PRXL2C: variants seen among roughly 807,000 people sequenced by gnomAD.
The protein encoded by PRXL2C is peroxiredoxin-like 2C.
A neutral mutation model predicts 24.9 loss-of-function variants in PRXL2C; 38 were observed. That is an observed-to-expected ratio of 1.53 (90% confidence interval 1.18 to 2.00). PRXL2C has a LOEUF of 2.00. Among genes scored for constraint, PRXL2C ranks in the 30% most tolerant of loss-of-function variants. The probability of loss-of-function intolerance (pLI) is 0.00; values close to 1 mark genes in which losing one functional copy is unlikely to be tolerated. For missense variants in PRXL2C, 294 were observed against 290.9 expected, an observed-to-expected ratio of 1.01 and a Z score of -0.08; for synonymous variants, 98 against 117.2, an observed-to-expected ratio of 0.84 and a Z score of 1.06.
intron 5 of PRXL2C, among the ~76,000 whole-genome samples, chr9:96,642,338 T>C (rs866185176): frequency 6.6e-6 from 1 of 152,132 alleles, no homozygotes; most frequent in Non-Finnish European, 1.5e-5. Context: ...ATCTGTATTA[T>C]AACCATAGCC....
Position 96,648,261 on chromosome 9 carries a change from T to A in PRXL2C, c.422-2237A>T, listed in dbSNP as rs375430011. 3.3e-5 allele frequency among the ~76,000 whole-genome samples: 5 copies of A among 152,180 alleles called. No homozygotes were observed. In the East Asian group the frequency reaches 7.7e-4, roughly 23 times the overall value. On this transcript the variant is annotated intron_variant, in intron 4 of 5. Transcript: ENST00000375234. ...ATTAATATTTCAGAAATTTTAGAAA[T>A]TCAACTTGAGATTCCATAGCCTAGA... is the stretch of plus-strand genomic sequence containing the variant.
chr9:96,643,237 T>G (rs1402254617), intron 5 of PRXL2C, among the ~76,000 whole-genome samples: 1 of 151,810 alleles, frequency 6.6e-6, no homozygotes, highest in Non-Finnish European at 1.5e-5. Flanking sequence ...CTCCATGTGC[T>G]CTTTCTTCTT....
intron 5 of PRXL2C, among the ~76,000 whole-genome samples, chr9:96,642,670 C>T (rs1199039892): frequency 2.0e-5 from 3 of 151,876 alleles, no homozygotes; most frequent in Non-Finnish European, 2.9e-5. Context: ...CTCAGCCTCC[C>T]GAGTAGCTGG....
chr9:96,654,002 G>A (rs573414885), intron 2 of PRXL2C, among the ~76,000 whole-genome samples: 1 of 152,066 alleles, frequency 6.6e-6, no homozygotes, highest in Non-Finnish European at 1.5e-5. Context: ...CACCAAGCCC[G>A]GGTAATTTTT....
At chr9:96,652,242 G>C (rs940787198) in intron 2 of PRXL2C, among the ~76,000 whole-genome samples, 1 of 152,098 alleles carries the variant, frequency 6.6e-6, no homozygotes, top group Non-Finnish European at 1.5e-5. Context: ...AATGGACAAA[G>C]GGCTGAGCAT....
chr9:96,645,828 T>C, intron 5 of PRXL2C, 65 bp downstream of exon 5: 1 of 1,406,222 alleles, frequency 7.1e-7, no homozygotes, highest in Non-Finnish European at 9.4e-7. Flanking sequence ...GAAAAGAAAA[T>C]GGCGGCCTCT....
chr9:96,649,583 CA>C (rs202100759), intron 4 of PRXL2C, among the ~76,000 whole-genome samples: 3 of 147,872 alleles, frequency 2.0e-5, no homozygotes, highest in South Asian at 2.1e-4. Context: ...AAACAAAAAA[CA>C]AAAAAAAACC....
chr9:96,655,117 C>T lies in PRXL2C; in HGVS notation c.165G>A (p.Glu55=). ...GCACGAACACCACCACGGCGCGGCG[C>T]TCCCGGAACAGCGCGCCGAACGGTA... ...QRVPFGALFR[E]RRAVVVFVRH... The change falls in exon 1 of 6, where the codon GAG becomes GAA. Residue 55 remains glutamate (E), a synonymous_variant. Coordinates refer to ENST00000375234, the MANE Select transcript of PRXL2C (RefSeq NM_153698.2). 1 of 1,414,046 alleles carries T rather than the reference C, an allele frequency of 7.1e-7. No homozygotes were observed. The highest frequency in any genetic ancestry group is 3.1e-5 in the East Asian group (1 of 31,796). 87.6% of individuals were successfully genotyped at this position (1,414,046 alleles called of 1,614,324 possible).
chr9:96,645,189 G>T (rs990432523), intron 5 of PRXL2C, among the ~76,000 whole-genome samples: 1 of 151,238 alleles, frequency 6.6e-6, no homozygotes, highest in Non-Finnish European at 1.5e-5. Flanking sequence ...GATTACAGGC[G>T]TAAACCACCG....
At chr9:96,654,613 C>T in intron 2 of PRXL2C, 92 bp downstream of exon 2, 5 of 1,187,042 alleles carry the variant, frequency 4.2e-6, no homozygotes, top group Non-Finnish European at 6.1e-6. Context: ...GCAATCCAGG[C>T]TGCAAGTTCC....
In PRXL2C at chr9:96,643,177, G is replaced by A. The variant is rs1848141639; in HGVS notation, c.554-1291C>T. On this transcript the variant is annotated intron_variant, in intron 5 of 5. Coordinates refer to ENST00000375234, the MANE Select transcript of PRXL2C (RefSeq NM_153698.2). The stretch of plus-strand genomic sequence containing the variant: ...GCAGGTCCAGGAACCAATCCGCCAT[G>A]GATGCTGAGGGATGACTGAATGGTC... Among the ~76,000 whole-genome samples, 4 of 152,168 alleles carry A rather than the reference G, an allele frequency of 2.6e-5. No homozygotes were observed. In the South Asian group the frequency reaches 8.3e-4, roughly 32 times the overall value.
intron 5 of PRXL2C, among the ~76,000 whole-genome samples, chr9:96,642,150 G>C (rs1848126051): frequency 6.6e-6 from 1 of 152,030 alleles, no homozygotes; most frequent in South Asian, 2.1e-4. Flanking sequence ...CCTTCTGTTA[G>C]GTTTTATTAA....
At chr9:96,643,219 A>G (rs1044860154) in intron 5 of PRXL2C, among the ~76,000 whole-genome samples, 3 of 152,086 alleles carry the variant, frequency 2.0e-5, no homozygotes, top group African/African-American at 7.2e-5. Context: ...TGGCACACAA[A>G]TGATGCTCTC....
At chr9:96,652,460 G>A (rs1848280261) in intron 2 of PRXL2C, among the ~76,000 whole-genome samples, 1 of 150,842 alleles carries the variant, frequency 6.6e-6, no homozygotes. Context: ...GGCGAAGGTT[G>A]TAGTCAGCCG....
intron 2 of PRXL2C, among the ~76,000 whole-genome samples, chr9:96,654,380 A>G (rs1848317039): frequency 6.6e-6 from 1 of 152,230 alleles, no homozygotes; most frequent in East Asian, 1.9e-4. Flanking sequence ...ATGAGCAGCT[A>G]TTTGGAGTGT....
chr9:96,643,622 A>T (rs1219897815), intron 5 of PRXL2C, among the ~76,000 whole-genome samples: 2 of 152,204 alleles, frequency 1.3e-5, no homozygotes, highest in Non-Finnish European at 2.9e-5. Flanking sequence ...ACTCAAAAAC[A>T]TCCCCTTTTG....
At chr9:96,654,670 A>G in intron 2 of PRXL2C, 35 bp downstream of exon 2, 1 of 1,547,446 alleles carries the variant, frequency 6.5e-7, no homozygotes, top group Non-Finnish European at 8.7e-7. Context: ...GGTCTGCAGA[A>G]GCGGGCACTG....
In PRXL2C at chr9:96,641,520, G is replaced by A. The variant is rs754388756; in HGVS notation, c.*239C>T. On this transcript the variant is annotated 3_prime_UTR_variant, in exon 6 of 6. Transcript: ENST00000375234. ...TTTATAGCTTTTAAAGTTATATTTTGTATATTCATTTTTTTTGTATAAAAT... is the reference window on the plus strand; with the variant it reads ...TTTATAGCTTTTAAAGTTATATTTTATATATTCATTTTTTTTGTATAAAAT... 3.2e-6 allele frequency: 1 copy of A among 312,880 alleles called. No individual in the cohort carries two copies. Among genetic ancestry groups the A allele is most frequent in the Admixed American group, 4.8e-5 (1 of 20,800 alleles). The allele number at this position is 312,880 out of a possible 1,614,324, so 19.4% of individuals were successfully genotyped here.
chr9:96,641,806 C>G lies in PRXL2C; in HGVS notation c.634G>C (p.Val212Leu). ...CTGTTTGTAAAGTTCACATGCTGAA[C>G]TCCTACAAGCTGTAAAACAGAGTTG... is the stretch of plus-strand genomic sequence containing the variant. ...PINSVLQLVG[V>L]QHVNFTNRPS... Residue 212 changes from valine to leucine, a missense_variant, in exon 6 of 6, where the codon GTT (valine) becomes CTT (leucine). Coordinates refer to ENST00000375234, the MANE Select transcript of PRXL2C (RefSeq NM_153698.2). 6.3e-7 allele frequency: 1 copy of G among 1,581,486 alleles called. No homozygotes were observed. The highest frequency in any genetic ancestry group is 8.7e-7 in the Non-Finnish European group (1 of 1,155,924).
Sources: allele counts gnomAD v4.1 joint callset (sites outside exome capture counted in the v4.1 genomes callset), GRCh38; gene constraint gnomAD v4.1.1; transcripts MANE v1.5; gene names NCBI Gene and HGNC (gene_info 2026-07-23, HGNC 2026-07-21).